Variants in MGAT5 observed in about 807,000 individuals in gnomAD.
MGAT5 encodes alpha-1,6-mannosylglycoprotein 6-beta-N-acetylglucosaminyltransferase A.
In MGAT5, 30 loss-of-function variants were observed where a neutral mutation model predicts 94.3. That is an observed-to-expected ratio of 0.32 (90% CI 0.24 to 0.43). The LOEUF is 0.43. MGAT5 is among the 20% of genes least tolerant of loss of function. MGAT5 has a pLI of 1.00. For missense variants in MGAT5, 691 were observed against 905.5 expected (o/e 0.76, Z 3.04); for synonymous variants, 310 against 322.9 (o/e 0.96, Z 0.43).
intron 1 of MGAT5, among the ~76,000 whole-genome samples, chr2:134,254,971 C>G (rs1682842151): frequency 6.6e-6 from 1 of 152,094 alleles, no homozygotes. Flanking sequence ...TCAGGGAATG[C>G]TGAAAAATAT....
At chr2:134,332,824 A>G (rs1337076304) in intron 4 of MGAT5, among the ~76,000 whole-genome samples, 1 of 152,234 alleles carries the variant, frequency 6.6e-6, no homozygotes, top group African/African-American at 2.4e-5. Flanking sequence ...GCCAAAAAAC[A>G]CATGAAAAAA....
intron 1 of MGAT5, among the ~76,000 whole-genome samples, chr2:134,206,693 A>G (rs1388373671): frequency 2.0e-5 from 3 of 152,164 alleles, no homozygotes; most frequent in Non-Finnish European, 4.4e-5. Flanking sequence ...TGCCACCTCA[A>G]ATGTTCTCCT....
At chr2:134,253,227 A>T (rs1204371832), upstream of MGAT5, 1 of 152,150 alleles carries the variant, frequency 6.6e-6, no homozygotes, top group African/African-American at 2.4e-5. Context: ...ATGTATGTAC[A>T]CTCTGAAGTA....
intron 14 of MGAT5, among the ~76,000 whole-genome samples, chr2:134,440,490 G>T (rs1685426563): frequency 6.6e-6 from 1 of 152,170 alleles, no homozygotes; most frequent in Admixed American, 6.5e-5. Flanking sequence ...GAGTGAGTGG[G>T]GGTGCGCATG....
intron 8 of MGAT5, among the ~76,000 whole-genome samples, chr2:134,346,801 G>C (rs551576533): frequency 6.6e-6 from 1 of 152,028 alleles, no homozygotes; most frequent in Non-Finnish European, 1.5e-5. Context: ...AAGCTCATAC[G>C]CATTTTACTT....
chr2:134,361,927 G>T (rs1266318827), intron 9 of MGAT5, among the ~76,000 whole-genome samples: 7 of 152,208 alleles, frequency 4.6e-5, no homozygotes, highest in Non-Finnish European at 8.8e-5. Context: ...CCAGTAGGTG[G>T]TGAAACCTGG....
intron 1 of MGAT5, among the ~76,000 whole-genome samples, chr2:134,138,000 T>TG (rs1040794653): frequency 4.0e-5 from 6 of 151,828 alleles, no homozygotes; most frequent in African/African-American, 1.5e-4. Flanking sequence ...GTTTTTTTTT[T>TG]TTTTGTTTTG....
In MGAT5 at chr2:134,299,183, AG is replaced by A. The variant is rs1202732514; in HGVS notation, c.407-18345del. On this transcript the variant is annotated intron_variant, in intron 2 of 15. Transcript: ENST00000281923. ...CCAGTGTTATTCTGGAGCATACAAA[AG>A]CAGACTGACACATGGCCACTGACTT... Among the ~76,000 whole-genome samples the A allele has an allele frequency of 2.6e-5, 4 of 152,360 alleles. No individual in the cohort carries two copies. In the East Asian group the frequency reaches 7.7e-4, roughly 29 times the overall value.
At chr2:134,346,278 A>G (rs897275017) in intron 8 of MGAT5, among the ~76,000 whole-genome samples, 7 of 152,212 alleles carry the variant, frequency 4.6e-5, no homozygotes, top group Non-Finnish European at 1.0e-4. Context: ...TAGGTGAATT[A>G]AAAAAGGATA....
intron 10 of MGAT5, among the ~76,000 whole-genome samples, chr2:134,394,716 C>G (rs34166010): frequency 0.32 from 48,106 of 151,998 alleles, 7,810 homozygotes; most frequent in Middle Eastern, 0.55. Context: ...TCAGAGGAAG[C>G]CCCGTCACAC....
At chr2:134,439,322 G>A (rs1175220912) in intron 14 of MGAT5, among the ~76,000 whole-genome samples, 1 of 152,230 alleles carries the variant, frequency 6.6e-6, no homozygotes. Context: ...GCAAGAGGCA[G>A]GATGTGCTCT....
intron 10 of MGAT5, among the ~76,000 whole-genome samples, chr2:134,384,539 T>C (rs970647273): frequency 6.6e-6 from 1 of 152,178 alleles, no homozygotes; most frequent in African/African-American, 2.4e-5. Context: ...TTAAAAAAAA[T>C]ATGGATTCTT....
chr2:134,270,283 A>G, intron 1 of MGAT5, 103 bp from the exon 2 acceptor site: 5 of 1,162,950 alleles, frequency 4.3e-6, no homozygotes, highest in Non-Finnish European at 6.1e-6. Flanking sequence ...GTATCACTTC[A>G]GAAACATTTG....
chr2:134,266,995 G>T (rs555382938), intron 1 of MGAT5, among the ~76,000 whole-genome samples: 1 of 152,322 alleles, frequency 6.6e-6, no homozygotes. Context: ...GATGTATCTG[G>T]TAGTCTCCAG....
intron 9 of MGAT5, among the ~76,000 whole-genome samples, chr2:134,354,960 A>G (rs1194440936): frequency 6.6e-6 from 1 of 152,132 alleles, no homozygotes; most frequent in African/African-American, 2.4e-5. Flanking sequence ...CTCCTCAGAG[A>G]CTGCAGTGCC....
At chr2:134,144,967 T>C (rs1041902000) in intron 1 of MGAT5, among the ~76,000 whole-genome samples, 1 of 152,218 alleles carries the variant, frequency 6.6e-6, no homozygotes, top group Non-Finnish European at 1.5e-5. Context: ...CTTTCTAAAT[T>C]CATTCTGCTG....
intron 10 of MGAT5, among the ~76,000 whole-genome samples, chr2:134,374,454 T>C (rs1681030464): frequency 6.6e-6 from 1 of 152,218 alleles, no homozygotes; most frequent in African/African-American, 2.4e-5. Context: ...GGGAGCAGAC[T>C]TTACAATGTG....
At chr2:134,266,371 C>T (rs974964978) in intron 1 of MGAT5, among the ~76,000 whole-genome samples, 1 of 151,978 alleles carries the variant, frequency 6.6e-6, no homozygotes, top group Non-Finnish European at 1.5e-5. Flanking sequence ...CAGGCACACG[C>T]CACCATGCCC....
At chr2:134,368,038 C>T (rs1022330455) in intron 10 of MGAT5, among the ~76,000 whole-genome samples, 2 of 152,184 alleles carry the variant, frequency 1.3e-5, no homozygotes, top group Admixed American at 1.3e-4. Context: ...CCAAGTCCTA[C>T]AGCACATGAC....
Sources: allele counts gnomAD v4.1 joint callset (sites outside exome capture counted in the v4.1 genomes callset), GRCh38; gene constraint gnomAD v4.1.1; transcripts MANE v1.5; gene names NCBI Gene and HGNC (gene_info 2026-07-23, HGNC 2026-07-21).